The following CAMK2A variants were observed in gnomAD, a reference collection of about 807,000 sequenced individuals.
CAMK2A encodes the protein calcium/calmodulin dependent protein kinase II alpha.
CAMK2A carries 7 observed loss-of-function variants against 79.2 expected under a neutral mutation model. The observed-to-expected ratio is 0.09, with a 90% CI of 0.05 to 0.17. The LOEUF (loss-of-function observed/expected upper bound fraction) is 0.17. Among genes scored for constraint, CAMK2A ranks in the 10% least tolerant of loss-of-function variants. The pLI, the probability that CAMK2A is intolerant of heterozygous loss-of-function variation, is 1.00. For missense variants in CAMK2A, 214 were observed against 646.4 expected (o/e 0.33, Z 7.25); for synonymous variants, 242 against 251.7 (o/e 0.96, Z 0.36).
At chr5:150,227,911 G>C (rs969439953) in intron 17 of CAMK2A, among the ~76,000 whole-genome samples, 1 of 152,150 alleles carries the variant, frequency 6.6e-6, no homozygotes, top group Non-Finnish European at 1.5e-5. Context: ...GCCCCTCCCA[G>C]GGTCATGGGC....
intron 15 of CAMK2A, 157 bp downstream of exon 15, chr5:150,238,543 G>T: frequency 1.2e-5 from 9 of 733,652 alleles, no homozygotes; most frequent in Non-Finnish European, 1.5e-5. Flanking sequence ...TGGGAATGAT[G>T]CCTCCCAGTG....
chr5:150,263,933 A>AG (rs1271631447), intron 3 of CAMK2A, among the ~76,000 whole-genome samples: 1 of 152,160 alleles, frequency 6.6e-6, no homozygotes, highest in Non-Finnish European at 1.5e-5. Context: ...TGTGCAGGGA[A>AG]GGGGAGGTGC....
chr5:150,221,458 G>T lies in CAMK2A; in HGVS notation c.*1252C>A. 1 of 398,662 alleles carries T rather than the reference G, an allele frequency of 2.5e-6. No individual in the cohort carries two copies. The highest frequency in any genetic ancestry group is 4.4e-6 in the Non-Finnish European group (1 of 226,060). 24.7% of individuals were successfully genotyped at this position (398,662 alleles called of 1,614,324 possible). On this transcript the variant is annotated 3_prime_UTR_variant, in exon 19 of 19. Coordinates refer to ENST00000671881, the MANE Select transcript of CAMK2A (RefSeq NM_015981.4). ...GAGGTGGGTGGGGGGTGCTGGGGGC[G>T]GCACACAGATATGGTGAGATGAAAT...
At chr5:150,258,061 G>A (rs950437740) in intron 3 of CAMK2A, among the ~76,000 whole-genome samples, 1 of 152,222 alleles carries the variant, frequency 6.6e-6, no homozygotes, top group Non-Finnish European at 1.5e-5. Context: ...GAGAGTTCCA[G>A]GAGGCATGCA....
At chr5:150,285,848 C>T (rs1346213335) in intron 1 of CAMK2A, among the ~76,000 whole-genome samples, 1 of 152,194 alleles carries the variant, frequency 6.6e-6, no homozygotes, top group Non-Finnish European at 1.5e-5. Flanking sequence ...GGCTGCAGGG[C>T]AACTTTCTAC....
At position 150,238,719 on chromosome 5, in the gene CAMK2A, G is replaced by A. The variant is rs754671966; in HGVS notation, c.1047C>T (p.Ile349=). ...MESSESTNTT[I]EDEDTKVRKQ... ...CCCTACCTTTGGTGTCTTCATCCTC[G>A]ATGGTGGTGTTGGTGCTCTCTGAGG... The change falls in exon 15 of 19, where the codon ATC becomes ATT. Residue 349 remains isoleucine (I), a synonymous_variant. Coordinates refer to ENST00000671881, the MANE Select transcript of CAMK2A (RefSeq NM_015981.4). The A allele has an allele frequency of 1.1e-4, 175 of 1,608,372 alleles. 1 individual carries two copies. The East Asian group carries it at 1.4e-3, about 13-fold the overall frequency.
At chr5:150,267,663 T>C (rs1756568656) in intron 2 of CAMK2A, among the ~76,000 whole-genome samples, 1 of 152,212 alleles carries the variant, frequency 6.6e-6, no homozygotes, top group African/African-American at 2.4e-5. Context: ...TGTTTTCATT[T>C]TCCAATATAC....
intron 15 of CAMK2A, among the ~76,000 whole-genome samples, chr5:150,237,951 C>T (rs1755156291): frequency 6.6e-6 from 1 of 152,270 alleles, no homozygotes; most frequent in East Asian, 1.9e-4. Flanking sequence ...GGGTCTTAGG[C>T]AGTGTTTCCC....
At chr5:150,285,982 C>A (rs1403707204) in intron 1 of CAMK2A, among the ~76,000 whole-genome samples, 1 of 152,172 alleles carries the variant, frequency 6.6e-6, no homozygotes, top group Non-Finnish European at 1.5e-5. Context: ...CCGTGGCAAC[C>A]CCTTTGCCCA....
chr5:150,230,566 C>T (rs1030354283), intron 16 of CAMK2A, among the ~76,000 whole-genome samples: 12 of 152,166 alleles, frequency 7.9e-5, no homozygotes, highest in Non-Finnish European at 1.5e-4. Context: ...TCAGCACTGG[C>T]CAAAATATTG....
At chr5:150,246,518 A>G (rs1443954666) in intron 12 of CAMK2A, among the ~76,000 whole-genome samples, 1 of 152,200 alleles carries the variant, frequency 6.6e-6, no homozygotes, top group African/African-American at 2.4e-5. Context: ...AAACTCATTC[A>G]AAAAAATTTT....
chr5:150,271,486 G>A (rs1225431143), intron 2 of CAMK2A, among the ~76,000 whole-genome samples: 1 of 152,196 alleles, frequency 6.6e-6, no homozygotes, highest in East Asian at 1.9e-4. Flanking sequence ...TCCTGTACCA[G>A]CCACTGTGAG....
At chr5:150,231,001 GT>G (rs1157133751) in intron 16 of CAMK2A, among the ~76,000 whole-genome samples, 1 of 152,132 alleles carries the variant, frequency 6.6e-6, no homozygotes, top group East Asian at 1.9e-4. Flanking sequence ...CTGTGATACT[GT>G]CCACCCCCTC....
At chr5:150,248,888 C>T (rs529138501) in intron 11 of CAMK2A, among the ~76,000 whole-genome samples, 2 of 152,342 alleles carry the variant, frequency 1.3e-5, no homozygotes, top group African/African-American at 4.8e-5. Context: ...CATCAACAAG[C>T]AGGCTGGGGG....
At chr5:150,227,040 G>A (rs929452509) in intron 17 of CAMK2A, among the ~76,000 whole-genome samples, 1 of 151,968 alleles carries the variant, frequency 6.6e-6, no homozygotes, top group Non-Finnish European at 1.5e-5. Flanking sequence ...CCAAAGTGCT[G>A]GGATTACATG....
Position 150,239,747 on chromosome 5 carries a change from A to G in CAMK2A, c.985-11T>C, listed in dbSNP as rs374033710. 6.2e-7 allele frequency: 1 copy of G among 1,612,952 alleles called. No homozygotes were observed. Among genetic ancestry groups the G allele is most frequent in the Non-Finnish European group, 8.5e-7 (1 of 1,179,068 alleles). On this transcript the variant is annotated splice_polypyrimidine_tract_variant and intron_variant, in intron 13 of 18. Coordinates refer to ENST00000671881, the MANE Select transcript of CAMK2A (RefSeq NM_015981.4). ...ACTGGACTTTCTTTTCTGGAAAAAC[A>G]AGGAGAAGAGATGGGACAGGAAAAG...
intron 2 of CAMK2A, among the ~76,000 whole-genome samples, chr5:150,266,574 C>A (rs1256692758): frequency 6.6e-6 from 1 of 152,106 alleles, no homozygotes; most frequent in Admixed American, 6.5e-5. Flanking sequence ...TTCTGGCTGT[C>A]CAGAAGAGGA....
intron 2 of CAMK2A, among the ~76,000 whole-genome samples, chr5:150,270,599 G>A (rs112141940): frequency 9.4e-5 from 12 of 127,166 alleles, no homozygotes; most frequent in African/African-American, 2.4e-4. Flanking sequence ...CCCCCTCCCC[G>A]CCCCCGAGGC....
rs750283642 is a variant in CAMK2A at position 150,222,674 on chromosome 5, T to TGCGGCACAGCAACGCA, written c.*20_*35dup. The stretch of plus-strand genomic sequence containing the variant: ...CCACTCCACGGACAGAGTGGATCTC[T>TGCGGCACAGCAACGCA]GCGGCACAGCAACGCAGCGACCCCA... On this transcript the variant is annotated 3_prime_UTR_variant, in exon 19 of 19. Coordinates refer to ENST00000671881, the MANE Select transcript of CAMK2A (RefSeq NM_015981.4). 1 of 1,613,234 alleles carries TGCGGCACAGCAACGCA rather than the reference T, an allele frequency of 6.2e-7. No individual in the cohort carries two copies. The highest frequency in any genetic ancestry group is 8.5e-7 in the Non-Finnish European group (1 of 1,179,292).
Sources: allele counts gnomAD v4.1 joint callset (sites outside exome capture counted in the v4.1 genomes callset), GRCh38; gene constraint gnomAD v4.1.1; transcripts MANE v1.5; gene names NCBI Gene and HGNC (gene_info 2026-07-23, HGNC 2026-07-21).